The following INPP5B variants were observed in gnomAD, a reference collection of about 807,000 sequenced individuals.
The protein encoded by INPP5B is type II inositol 1,4,5-trisphosphate 5-phosphatase.
INPP5B carries 90 observed loss-of-function variants against 118.5 expected under a neutral mutation model. The ratio of observed to expected loss-of-function variants is 0.76; its 90% CI spans 0.64 to 0.90. The LOEUF is 0.90. Among genes scored for constraint, INPP5B ranks in the 40% least tolerant of loss-of-function variants. The pLI, the probability that INPP5B is intolerant of heterozygous loss-of-function variation, is 0.00. For missense variants in INPP5B, 984 were observed against 1,125.6 expected, an observed-to-expected ratio of 0.87 and a Z score of 1.80; for synonymous variants, 385 against 418.9, an observed-to-expected ratio of 0.92 and a Z score of 0.99.
intron 8 of INPP5B, 49 bp downstream of exon 8, chr1:37,891,309 A>G: frequency 1.5e-6 from 2 of 1,362,880 alleles, no homozygotes; most frequent in South Asian, 2.3e-5. Flanking sequence ...CAGTACTGTG[A>G]GGAGAACCTC....
At chr1:37,901,962 G>A (rs1330666107) in intron 7 of INPP5B, among the ~76,000 whole-genome samples, 8 of 150,810 alleles carry the variant, frequency 5.3e-5, no homozygotes, top group South Asian at 4.2e-4. Flanking sequence ...CCCCATGTTC[G>A]GTCACCAAGT....
chr1:37,872,982 CACA>C lies in INPP5B; in HGVS notation c.2132_2134del (p.Leu711_Cys712delinsArg). On this transcript the variant is annotated inframe_deletion, in exon 19 of 24. Transcript: ENST00000373024. ...GTCCAAGATTGGCTCTCTCATGTAA[CACA>C]GTGTATGAATGGGAGACCCAAAACA... The C allele has an allele frequency of 6.2e-7, 1 of 1,614,128 alleles. No individual in the cohort carries two copies. Among genetic ancestry groups the C allele is most frequent in the Non-Finnish European group, 8.5e-7 (1 of 1,180,022 alleles).
At chr1:37,863,069 G>A (rs1641795204) in intron 23 of INPP5B, among the ~76,000 whole-genome samples, 1 of 152,160 alleles carries the variant, frequency 6.6e-6, no homozygotes, top group Admixed American at 6.5e-5. Context: ...CATGAGCGTG[G>A]TAGGGATGGT....
In INPP5B at chr1:37,938,295, A is replaced by AAATC. The variant is rs1553162612; in HGVS notation, c.391+2392_391+2393insGATT. On this transcript the variant is annotated intron_variant, in intron 6 of 23. Transcript: ENST00000373024. ...AAAATAAATAAATAAATAAATAAAT[A>AAATC]AATAAATAAAATTAACATTAAATTT... Among the ~76,000 whole-genome samples, 49 of 151,244 alleles carry AAATC rather than the reference A, an allele frequency of 3.2e-4. No individual in the cohort carries two copies. In the East Asian group the frequency reaches 6.2e-3, roughly 19 times the overall value.
At chr1:37,876,015 A>C (rs1642777204) in intron 16 of INPP5B, among the ~76,000 whole-genome samples, 1 of 152,138 alleles carries the variant, frequency 6.6e-6, no homozygotes, top group South Asian at 2.1e-4. Flanking sequence ...ATGCTTGCCC[A>C]GTACCTAGCT....
chr1:37,913,447 A>G (rs1181711153), intron 7 of INPP5B, among the ~76,000 whole-genome samples: 4 of 152,076 alleles, frequency 2.6e-5, no homozygotes, highest in African/African-American at 4.8e-5. Flanking sequence ...GGTCCTCCCA[A>G]TTCTTAGTCC....
chr1:37,941,974 T>TATATATATATATATATATAC (rs1390505203), intron 5 of INPP5B: 1 of 80,926 alleles, frequency 1.2e-5, no homozygotes, highest in Non-Finnish European at 2.6e-5. Flanking sequence ...TATATATATA[T>TATATATATATATATATATAC]AAAATAAAAT....
chr1:37,882,797 C>A lies in INPP5B; in HGVS notation c.1431+10G>T, dbSNP rs1469228072. On this transcript the variant is annotated intron_variant, in intron 14 of 23. Coordinates refer to ENST00000373024, the MANE Select transcript of INPP5B (RefSeq NM_005540.3). ...AGCTGCTGGAAGAGGGCACAGGTGG[C>A]CATCTGTACCTGATCATATGCATAC... 1 of 1,602,198 alleles carries A rather than the reference C, an allele frequency of 6.2e-7. No individual in the cohort carries two copies. Among genetic ancestry groups the A allele is most frequent in the African/African-American group, 1.3e-5 (1 of 74,714 alleles).
intron 19 of INPP5B, among the ~76,000 whole-genome samples, chr1:37,871,056 C>G (rs929540983): frequency 6.7e-6 from 1 of 149,864 alleles, no homozygotes; most frequent in Non-Finnish European, 1.5e-5. Flanking sequence ...ACTGGGGAGG[C>G]TGAGGCACAA....
chr1:37,893,437 C>G (rs1643906843), intron 7 of INPP5B, among the ~76,000 whole-genome samples: 1 of 152,026 alleles, frequency 6.6e-6, no homozygotes, highest in South Asian at 2.1e-4. Flanking sequence ...TTATAACAGC[C>G]TACAGACTAA....
At chr1:37,877,677 G>C (rs1370398669) in intron 16 of INPP5B, among the ~76,000 whole-genome samples, 1 of 152,168 alleles carries the variant, frequency 6.6e-6, no homozygotes, top group East Asian at 1.9e-4. Context: ...CAACAGCACT[G>C]TGTATAATAG....
At chr1:37,875,228 A>G (rs528464534) in intron 17 of INPP5B, among the ~76,000 whole-genome samples, 1 of 152,300 alleles carries the variant, frequency 6.6e-6, no homozygotes, top group East Asian at 1.9e-4. Flanking sequence ...CTGAGCTCCA[A>G]TAGATGAGGA....
chr1:37,894,864 A>ATACG (rs1295957777), intron 7 of INPP5B, among the ~76,000 whole-genome samples: 3 of 152,182 alleles, frequency 2.0e-5, no homozygotes, highest in Non-Finnish European at 4.4e-5. Flanking sequence ...ATATGTTTAA[A>ATACG]TACGTAACAT....
At chr1:37,899,218 C>T (rs1046892509) in intron 7 of INPP5B, among the ~76,000 whole-genome samples, 1 of 144,744 alleles carries the variant, frequency 6.9e-6, no homozygotes, top group South Asian at 2.2e-4. Context: ...TGGAACTGTA[C>T]AGAAGCATTG....
chr1:37,942,875 C>T (rs770277498), intron 5 of INPP5B, among the ~76,000 whole-genome samples: 45 of 148,658 alleles, frequency 3.0e-4, no homozygotes, highest in Non-Finnish European at 3.3e-4. Context: ...TGCCACTGTA[C>T]TCCAGCCTGG....
At chr1:37,919,275 A>T (rs566707673) in intron 7 of INPP5B, among the ~76,000 whole-genome samples, 9 of 152,254 alleles carry the variant, frequency 5.9e-5, no homozygotes, top group African/African-American at 2.2e-4. Context: ...CTGAGCACCT[A>T]TTAGGTCTAG....
chr1:37,873,020 G>C lies in INPP5B; in HGVS notation c.2097C>G (p.Tyr699Ter), dbSNP rs1353384369. 6.2e-7 allele frequency: 1 copy of C among 1,614,160 alleles called. No homozygotes were observed. Among genetic ancestry groups the C allele is most frequent in the Non-Finnish European group, 8.5e-7 (1 of 1,180,020 alleles). ...TGGGAGACCCAAAACAGCTGGGCAG[G>C]TAGTTCCCAGACACAGACAAAAAGT... ...KDYFLSVSGN[Y>*]LPSCFGSPIH... Residue 699 changes from tyrosine to a stop codon, truncating the protein, a stop_gained, in exon 19 of 24, where the codon TAC becomes TAG. Coordinates refer to ENST00000373024, the MANE Select transcript of INPP5B (RefSeq NM_005540.3). LOFTEE classifies it high-confidence loss of function.
intron 16 of INPP5B, among the ~76,000 whole-genome samples, chr1:37,876,232 T>G (rs1570025436): frequency 6.6e-6 from 1 of 151,788 alleles, no homozygotes; most frequent in Non-Finnish European, 1.5e-5. Flanking sequence ...GCCCCCCAAG[T>G]AGCTGAGACC....
intron 7 of INPP5B, among the ~76,000 whole-genome samples, chr1:37,915,144 T>C (rs562146681): frequency 2.2e-4 from 33 of 152,170 alleles, no homozygotes; most frequent in Non-Finnish European, 4.7e-4. Flanking sequence ...CCTCACTAAA[T>C]AGACAGTGTT....
Sources: allele counts gnomAD v4.1 joint callset (sites outside exome capture counted in the v4.1 genomes callset), GRCh38; gene constraint gnomAD v4.1.1; transcripts MANE v1.5; gene names NCBI Gene and HGNC (gene_info 2026-07-23, HGNC 2026-07-21).